Variants in MEIS1 observed in about 807,000 individuals in gnomAD.
The protein encoded by MEIS1 is Meis homeobox 1, also known as homeobox protein Meis1.
MEIS1 carries 5 observed loss-of-function variants against 50.8 expected under a neutral mutation model. The observed-to-expected ratio is 0.10, with a 90% confidence interval of 0.05 to 0.21. The LOEUF (loss-of-function observed/expected upper bound fraction) is 0.21, where lower values mean the gene tolerates loss of function less well. Ranked by LOEUF, MEIS1 falls within the 10% of genes least tolerant of loss-of-function variation. MEIS1 has a pLI of 1.00. For synonymous variants in MEIS1, 176 were observed against 179.3 expected, an observed-to-expected ratio of 0.98 and a Z score of 0.15; for missense variants, 318 against 517.3, an observed-to-expected ratio of 0.61 and a Z score of 3.74.
At chr2:66,546,209 G>A (rs1674788250) in intron 8 of MEIS1, among the ~76,000 whole-genome samples, 1 of 152,182 alleles carries the variant, frequency 6.6e-6, no homozygotes, top group Admixed American at 6.5e-5. Context: ...GAGGTGGGGA[G>A]GGTAAAGCTG....
At chr2:66,535,791 T>C (rs1279193203) in intron 8 of MEIS1, among the ~76,000 whole-genome samples, 1 of 152,192 alleles carries the variant, frequency 6.6e-6, no homozygotes, top group East Asian at 1.9e-4. Context: ...AGATTTTTTT[T>C]TTCTTCTTAA....
At chr2:66,531,633 C>T (rs146019853) in intron 8 of MEIS1, among the ~76,000 whole-genome samples, 9 of 152,270 alleles carry the variant, frequency 5.9e-5, no homozygotes, top group East Asian at 1.9e-4. Flanking sequence ...CGCATAAAGG[C>T]GAGGGTCATT....
At chr2:66,560,583 C>CA (rs796503153) in intron 9 of MEIS1, among the ~76,000 whole-genome samples, 18,751 of 129,072 alleles carry the variant, frequency 0.15, 1,300 homozygotes, top group East Asian at 0.17. Flanking sequence ...GACTCTGTCT[C>CA]AAAAAAAAAA....
At chr2:66,499,049 G>A (rs780488298) in intron 7 of MEIS1, among the ~76,000 whole-genome samples, 1 of 152,188 alleles carries the variant, frequency 6.6e-6, no homozygotes, top group Non-Finnish European at 1.5e-5. Context: ...CTAACCGAGT[G>A]GAAGGTGTGA....
At chr2:66,511,219 C>G (rs549813786) in intron 7 of MEIS1, among the ~76,000 whole-genome samples, 33 of 152,234 alleles carry the variant, frequency 2.2e-4, no homozygotes, top group African/African-American at 7.7e-4. Context: ...TTATTTTGAA[C>G]AGTTATATGG....
intron 6 of MEIS1, among the ~76,000 whole-genome samples, chr2:66,446,832 CCT>C (rs1323382374): frequency 1.3e-5 from 2 of 152,254 alleles, no homozygotes; most frequent in Non-Finnish European, 2.9e-5. Flanking sequence ...GGCCGCCAGG[CCT>C]CTGGGATCTG....
At chr2:66,497,876 C>T (rs903852131) in intron 7 of MEIS1, among the ~76,000 whole-genome samples, 1 of 152,186 alleles carries the variant, frequency 6.6e-6, no homozygotes, top group Non-Finnish European at 1.5e-5. Context: ...TCCTCATCCA[C>T]CAATTGGCTG....
At chr2:66,558,114 T>C (rs540999265) in intron 9 of MEIS1, among the ~76,000 whole-genome samples, 4 of 151,606 alleles carry the variant, frequency 2.6e-5, no homozygotes, top group African/African-American at 9.7e-5. Context: ...ACCCCGTCTC[T>C]ACTAAAAATA....
intron 9 of MEIS1, among the ~76,000 whole-genome samples, chr2:66,555,712 A>G (rs1675045353): frequency 6.6e-6 from 1 of 152,114 alleles, no homozygotes; most frequent in Admixed American, 6.5e-5. Context: ...TAAGCACGGA[A>G]GCGCAGTACC....
intron 8 of MEIS1, among the ~76,000 whole-genome samples, chr2:66,528,749 G>C (rs1414875743): frequency 6.6e-6 from 1 of 152,118 alleles, no homozygotes; most frequent in Non-Finnish European, 1.5e-5. Context: ...TTTTGACACA[G>C]TTTTTCTAAA....
chr2:66,490,796 G>A (rs1357562697), intron 7 of MEIS1, among the ~76,000 whole-genome samples: 1 of 152,038 alleles, frequency 6.6e-6, no homozygotes, highest in Non-Finnish European at 1.5e-5. Context: ...TTTTTATAGG[G>A]GATTCTCACA....
rs535556808 is a variant in MEIS1, at chr2:66,435,628, G to C, written c.-229G>C. 1 of 413,346 alleles carries C rather than the reference G, an allele frequency of 2.4e-6. No individual in the cohort carries two copies. Among genetic ancestry groups the C allele is most frequent in the African/African-American group, 2.1e-5 (1 of 48,366 alleles). 25.6% of individuals were successfully genotyped at this position (413,346 alleles called of 1,614,324 possible). On this transcript the variant is annotated 5_prime_UTR_variant, in exon 1 of 13. Transcript: ENST00000272369. ...TTTTTTTGCCCCCGCTGCTGTCTTG[G>C]AAACGGAGCGCTTTTATGCTCAGTG... is the stretch of plus-strand genomic sequence containing the variant.
At chr2:66,542,341 G>A (rs1027914624) in intron 8 of MEIS1, among the ~76,000 whole-genome samples, 15 of 151,942 alleles carry the variant, frequency 9.9e-5, no homozygotes, top group Admixed American at 1.3e-4. Context: ...TTAGCTCAAG[G>A]TCAACTTATA....
At position 66,440,551 on chromosome 2, in the gene MEIS1, CT is replaced by C; in HGVS notation, c.382-9del. On this transcript the variant is annotated splice_polypyrimidine_tract_variant and intron_variant, in intron 3 of 12. Transcript: ENST00000272369. ...CCCTCCCTCTCCCCTCTCCTTCTCA[CT>C]TGTATTTAGATTCGCGCAGAAAAAC... The C allele has an allele frequency of 6.2e-7, 1 of 1,611,152 alleles. No individual in the cohort carries two copies.
At chr2:66,568,377 T>A in intron 10 of MEIS1, 1 of 314,416 alleles carries the variant, frequency 3.2e-6, no homozygotes, top group East Asian at 7.3e-5. Flanking sequence ...ACACATTTAC[T>A]CCTGTAACTT....
intron 7 of MEIS1, among the ~76,000 whole-genome samples, chr2:66,464,770 A>G (rs562152828): frequency 6.6e-6 from 1 of 152,322 alleles, no homozygotes; most frequent in South Asian, 2.1e-4. Context: ...AGACATGGAA[A>G]GATAACAGGT....
intron 7 of MEIS1, among the ~76,000 whole-genome samples, chr2:66,472,762 G>A (rs571027554): frequency 2.6e-5 from 4 of 152,172 alleles, no homozygotes; most frequent in Middle Eastern, 3.4e-3. Flanking sequence ...GGTGGACTTG[G>A]CTCCAGAGCC....
chr2:66,493,294 A>C (rs1028272245), intron 7 of MEIS1, among the ~76,000 whole-genome samples: 26 of 152,186 alleles, frequency 1.7e-4, no homozygotes, highest in African/African-American at 5.8e-4. Context: ...TCTTCCAGTA[A>C]TATAGTTAAC....
intron 8 of MEIS1, among the ~76,000 whole-genome samples, chr2:66,545,242 G>A (rs767474987): frequency 3.1e-4 from 47 of 152,150 alleles, no homozygotes; most frequent in Non-Finnish European, 6.0e-4. Flanking sequence ...AAAAATCACT[G>A]CAAGTGATTT....
Sources: gnomAD v4.1 joint callset for allele counts (sites outside exome capture counted in the v4.1 genomes callset) on GRCh38, gnomAD v4.1.1 for gene constraint, MANE v1.5 for transcripts, NCBI Gene and HGNC (gene_info 2026-07-23, HGNC 2026-07-21) for gene names.